Variants in PLD5 observed in about 807,000 individuals in gnomAD.
The protein encoded by PLD5 is phospholipase D family member 5, also known as inactive phospholipase D5.
PLD5 carries 36 observed loss-of-function variants against 61.1 expected under a neutral mutation model. The observed-to-expected ratio is 0.59, with a 90% CI of 0.45 to 0.78. PLD5 has a LOEUF of 0.78. PLD5 is among the 30% of genes least tolerant of loss of function. The pLI, the probability that PLD5 is intolerant of heterozygous loss-of-function variation, is 0.00. For synonymous variants in PLD5, 243 were observed against 242.8 expected (o/e 1.00, Z -0.01); for missense variants, 515 against 644.4 (o/e 0.80, Z 2.17).
intron 1 of PLD5, among the ~76,000 whole-genome samples, chr1:242,440,726 C>A (rs906523764): frequency 2.0e-5 from 3 of 152,206 alleles, no homozygotes; most frequent in Non-Finnish European, 4.4e-5. Flanking sequence ...CCTCTTCCAG[C>A]CTTCTTAACT....
At chr1:242,133,536 C>T (rs1008131480) in intron 5 of PLD5, among the ~76,000 whole-genome samples, 1 of 152,194 alleles carries the variant, frequency 6.6e-6, no homozygotes, top group African/African-American at 2.4e-5. Context: ...CCACTGGTAA[C>T]ACTGAGATGA....
At chr1:242,397,050 T>A (rs977118035) in intron 1 of PLD5, among the ~76,000 whole-genome samples, 1 of 152,156 alleles carries the variant, frequency 6.6e-6, no homozygotes, top group South Asian at 2.1e-4. Context: ...TTTATATAGC[T>A]ACATGTTGAG....
intron 1 of PLD5, among the ~76,000 whole-genome samples, chr1:242,450,518 A>G (rs576027131): frequency 8.4e-4 from 127 of 152,046 alleles, no homozygotes; most frequent in African/African-American, 2.8e-3. Flanking sequence ...TCCTTTTTTT[A>G]CTGCTTTTCC....
At chr1:242,158,298 C>T (rs541773417) in intron 5 of PLD5, among the ~76,000 whole-genome samples, 1 of 152,186 alleles carries the variant, frequency 6.6e-6, no homozygotes, top group East Asian at 1.9e-4. Context: ...TGGCTTCAGC[C>T]TCCTTTCCAG....
chr1:242,384,976 G>A (rs965236159), intron 1 of PLD5, among the ~76,000 whole-genome samples: 2 of 152,184 alleles, frequency 1.3e-5, no homozygotes, highest in African/African-American at 4.8e-5. Context: ...GGAAGGAAAA[G>A]TACCAGGTGA....
chr1:242,414,924 C>T (rs545754860), intron 1 of PLD5, among the ~76,000 whole-genome samples: 17 of 152,242 alleles, frequency 1.1e-4, no homozygotes, highest in South Asian at 2.1e-4. Context: ...AGACCAATCA[C>T]GCTATAGAAA....
At chr1:242,164,282 A>C (rs1290065951) in intron 5 of PLD5, among the ~76,000 whole-genome samples, 1 of 152,150 alleles carries the variant, frequency 6.6e-6, no homozygotes. Flanking sequence ...AGCCCAAGTG[A>C]ATGTGGGGGA....
intron 1 of PLD5, among the ~76,000 whole-genome samples, chr1:242,503,230 A>G (rs1668614060): frequency 6.6e-6 from 1 of 152,168 alleles, no homozygotes; most frequent in Middle Eastern, 3.2e-3. Flanking sequence ...CAGATCCTTC[A>G]TGAATGGCTC....
intron 1 of PLD5, among the ~76,000 whole-genome samples, chr1:242,458,100 T>C (rs1666998333): frequency 6.6e-6 from 1 of 152,152 alleles, no homozygotes; most frequent in Admixed American, 6.5e-5. Flanking sequence ...GTCCCTCCTT[T>C]AGGACACATG....
chr1:242,286,091 A>G (rs1675005698), intron 3 of PLD5, among the ~76,000 whole-genome samples: 1 of 152,188 alleles, frequency 6.6e-6, no homozygotes, highest in Non-Finnish European at 1.5e-5. Context: ...CCTGGGCAAC[A>G]CAGCGAGTCT....
chr1:242,358,403 T>C (rs1660876631), intron 1 of PLD5, among the ~76,000 whole-genome samples: 2 of 151,688 alleles, frequency 1.3e-5, no homozygotes, highest in African/African-American at 2.4e-5. Flanking sequence ...AGATAGACCT[T>C]CACTAGTTAG....
At chr1:242,455,623 A>C (rs1270234484) in intron 1 of PLD5, among the ~76,000 whole-genome samples, 1 of 152,220 alleles carries the variant, frequency 6.6e-6, no homozygotes, top group Non-Finnish European at 1.5e-5. Context: ...TTATCCTTCA[A>C]TTTGTAGGCA....
At chr1:242,504,175 C>T (rs184793395) in intron 1 of PLD5, among the ~76,000 whole-genome samples, 112 of 152,172 alleles carry the variant, frequency 7.4e-4, no homozygotes, top group African/African-American at 2.3e-3. Context: ...AAACGAAGTT[C>T]GATGCACCAA....
At chr1:242,260,441 C>G (rs1002730395) in intron 4 of PLD5, among the ~76,000 whole-genome samples, 1 of 151,998 alleles carries the variant, frequency 6.6e-6, no homozygotes, top group African/African-American at 2.4e-5. Context: ...TTGAAGAAAG[C>G]AGAGGATTTC....
At chr1:242,392,857 C>G (rs898847361) in intron 1 of PLD5, among the ~76,000 whole-genome samples, 1 of 152,064 alleles carries the variant, frequency 6.6e-6, no homozygotes, top group African/African-American at 2.4e-5. Context: ...TATCTCCACT[C>G]GATTAGAGGA....
At chr1:242,433,291 T>C (rs1375720121) in intron 1 of PLD5, among the ~76,000 whole-genome samples, 1 of 152,150 alleles carries the variant, frequency 6.6e-6, no homozygotes, top group Non-Finnish European at 1.5e-5. Flanking sequence ...ACACAAGTAT[T>C]AAATATATAG....
chr1:242,372,397 C>G (rs1661687810), intron 1 of PLD5, among the ~76,000 whole-genome samples: 1 of 152,094 alleles, frequency 6.6e-6, no homozygotes, highest in South Asian at 2.1e-4. Context: ...AATGCCATCC[C>G]CATCAAGCTA....
rs1659353782 is a variant in PLD5, at chr1:242,084,097, A to C, written c.*5757T>G. The C allele has an allele frequency of 1.3e-5, 2 of 152,208 alleles. No homozygotes were observed. Among genetic ancestry groups the C allele is most frequent in the African/African-American group, 4.8e-5 (2 of 41,456 alleles). The allele number at this position is 152,208 out of a possible 1,614,324, so 9.4% of individuals were successfully genotyped here. ...CCTTACTAATTTATCTCTCATATAA[A>C]AATAAATCACAAATAATCTTCACCC... On this transcript the variant is annotated 3_prime_UTR_variant, in exon 10 of 10. Transcript: ENST00000536534.
intron 3 of PLD5, among the ~76,000 whole-genome samples, chr1:242,268,679 G>C (rs1392530931): frequency 1.3e-5 from 2 of 152,150 alleles, no homozygotes; most frequent in East Asian, 3.9e-4. Context: ...ACTTAGGCTT[G>C]AGGTAGAATT....
Sources: gnomAD v4.1 joint callset for allele counts (sites outside exome capture counted in the v4.1 genomes callset) on GRCh38, gnomAD v4.1.1 for gene constraint, MANE v1.5 for transcripts, NCBI Gene and HGNC (gene_info 2026-07-23, HGNC 2026-07-21) for gene names.